CLIP4: variants seen among roughly 807,000 people sequenced by gnomAD.
The protein encoded by CLIP4 is CAP-Gly domain-containing linker protein 4.
In CLIP4, 47 loss-of-function variants were observed where a neutral mutation model predicts 73.1. That is an observed-to-expected ratio of 0.64 (90% CI 0.51 to 0.82). The LOEUF is 0.82. Among genes scored for constraint, CLIP4 ranks in the 40% least tolerant of loss-of-function variants. The pLI is 0.00. For synonymous variants in CLIP4, 306 were observed against 295.4 expected, an observed-to-expected ratio of 1.04 and a Z score of -0.37; for missense variants, 874 against 852.9, an observed-to-expected ratio of 1.02 and a Z score of -0.31.
chr2:29,147,457 CTT>C (rs1381481991), intron 8 of CLIP4, among the ~76,000 whole-genome samples: 5 of 152,024 alleles, frequency 3.3e-5, no homozygotes, highest in Non-Finnish European at 7.4e-5. Context: ...GGCTTAAAGA[CTT>C]TTATCAATTC....
At chr2:29,145,567 G>T (rs1025705807) in intron 8 of CLIP4, among the ~76,000 whole-genome samples, 200 bp downstream of exon 8, 2 of 152,150 alleles carry the variant, frequency 1.3e-5, no homozygotes, top group Non-Finnish European at 2.9e-5. Context: ...AGGGAGAAAT[G>T]GTGGTTGCAG....
At chr2:29,171,979 G>T (rs932485838) in intron 14 of CLIP4, among the ~76,000 whole-genome samples, 1 of 137,918 alleles carries the variant, frequency 7.3e-6, no homozygotes, top group African/African-American at 2.6e-5. Context: ...TTTATTTCTT[G>T]ACTTTATTCT....
chr2:29,111,666 T>G (rs1469344939), upstream of CLIP4, among the ~76,000 whole-genome samples: 1 of 152,270 alleles, frequency 6.6e-6, no homozygotes, highest in Non-Finnish European at 1.5e-5. Context: ...AAGTTCCTCA[T>G]GCATTTCAGA....
intron 8 of CLIP4, among the ~76,000 whole-genome samples, chr2:29,147,609 T>G (rs796130270): frequency 2.6e-4 from 40 of 152,290 alleles, no homozygotes; most frequent in African/African-American, 9.1e-4. Flanking sequence ...TACCTATTTA[T>G]GGGGTACAGA....
rs996200488 is a variant in CLIP4, at chr2:29,132,848, CAAAAT to C, written c.367+612_367+616del. ...ATAAAATAAAAATGAATTTATAATA[CAAAAT>C]AAAATAAAGCCATAAAATATAAGCC... On this transcript the variant is annotated intron_variant, in intron 4 of 15. Transcript: ENST00000320081. 5.3e-5 allele frequency among the ~76,000 whole-genome samples: 8 copies of C among 152,058 alleles called. No homozygotes were observed. The East Asian group carries it at 7.7e-4, about 15-fold the overall frequency.
At chr2:29,143,415 C>CT in intron 6 of CLIP4, among the ~76,000 whole-genome samples, 1 of 85,600 alleles carries the variant, frequency 1.2e-5, no homozygotes. Context: ...TTTTTTTTCC[C>CT]TCCAGGCCAC....
rs553291810 is a variant in CLIP4, at chr2:29,121,368, T to C, written c.-15-6T>C. ...AGAAACACTTTTTTTTTCTTTCTTA[T>C]TATAGGTGGCTTTCTAGAAGATGAC... On this transcript the variant is annotated splice_polypyrimidine_tract_variant and splice_region_variant and intron_variant, in intron 1 of 15. Coordinates refer to ENST00000320081, the MANE Select transcript of CLIP4 (RefSeq NM_024692.6). 3.8e-6 allele frequency: 6 copies of C among 1,591,476 alleles called. No homozygotes were observed. In the African/African-American group the frequency reaches 6.8e-5, roughly 18 times the overall value.
In CLIP4 at chr2:29,156,404, C is replaced by A; in HGVS notation, c.1216C>A (p.Pro406Thr). The change falls in exon 10 of 16, where the codon CCT (proline) becomes ACT (threonine). Residue 406 changes from proline to threonine, a missense_variant. Physicochemically the swap from Pro to Thr is conservative, Grantham distance 38 (BLOSUM62 -1). Coordinates refer to ENST00000320081, the MANE Select transcript of CLIP4 (RefSeq NM_024692.6). ...TGCTTCTGAGTCAACACTTTCATTG[C>A]CTCCTGGTGAAGAACTTAAAACTGT... ...DSASESTLSL[P>T]PGEELKTVTE... is the part of the protein sequence containing the mutation. The A allele has an allele frequency of 1.3e-6, 2 of 1,588,112 alleles. No homozygotes were observed. The highest frequency in any genetic ancestry group is 8.5e-7 in the Non-Finnish European group (1 of 1,173,400).
chr2:29,181,737 T>A lies in CLIP4; in HGVS notation c.1962T>A (p.Leu654=). The change falls in exon 16 of 16, where the codon CTT becomes CTA. Residue 654 remains leucine (L), a synonymous_variant. Transcript: ENST00000320081. ...CTGACTTTGCTTCAGGTATCTGGCT[T>A]GGACTTGAGCTCCGAAGCGCCAAGG... is the stretch of plus-strand genomic sequence containing the variant. The part of the protein sequence containing the change: ...GPTDFASGIW[L]GLELRSAKGK... The A allele has an allele frequency of 6.2e-7, 1 of 1,614,136 alleles. No individual in the cohort carries two copies. Among genetic ancestry groups the A allele is most frequent in the Non-Finnish European group, 8.5e-7 (1 of 1,180,020 alleles).
upstream of CLIP4, among the ~76,000 whole-genome samples, chr2:29,112,929 G>C (rs2148444063): frequency 6.6e-6 from 1 of 152,312 alleles, no homozygotes; most frequent in Non-Finnish European, 1.5e-5. Flanking sequence ...TCATGGTCGG[G>C]GTCCTGAGAG....
intron 11 of CLIP4, 160 bp downstream of exon 11, chr2:29,157,507 G>A: frequency 2.7e-6 from 3 of 1,101,126 alleles, no homozygotes; most frequent in Non-Finnish European, 2.6e-6. Context: ...AAGCCTTAAG[G>A]TCTCTTTGTT....
rs1361665875 is a variant in CLIP4 at position 29,152,771 on chromosome 2, C to G, written c.1108C>G (p.Pro370Ala). The G allele has an allele frequency of 6.2e-7, 1 of 1,613,798 alleles. No homozygotes were observed. Among genetic ancestry groups the G allele is most frequent in the Non-Finnish European group, 8.5e-7 (1 of 1,179,816 alleles). ...CACTCCTTCTACAAAAGCTGCTGTA[C>G]CTCTCATCAGGTCCCAGAAAATTGA... ...THTPSTKAAV[P>A]LIRSQKIDVA... The change falls in exon 9 of 16, where the codon CCT becomes GCT. Residue 370 changes from proline (P) to alanine (A), a missense_variant. Physicochemically the swap from Pro to Ala is conservative, Grantham distance 27. Coordinates refer to ENST00000320081, the MANE Select transcript of CLIP4 (RefSeq NM_024692.6).
upstream of CLIP4, chr2:29,113,979 G>A (rs1415759265): frequency 6.6e-6 from 1 of 152,198 alleles, no homozygotes; most frequent in Non-Finnish European, 1.5e-5. The surrounding 1 kb of genome is among the most constrained non-coding windows in gnomAD (Gnocchi z 4.0). Context: ...TCAGAGGGAG[G>A]AGGAAGTATC....
At chr2:29,115,220 G>C (rs561355611), upstream of CLIP4, 2 of 152,260 alleles carry the variant, frequency 1.3e-5, no homozygotes, top group Non-Finnish European at 2.9e-5. The surrounding 1 kb of genome is among the most constrained non-coding windows in gnomAD (Gnocchi z 5.1). Context: ...CCGCGAGGCT[G>C]AGGGCTGTGA....
chr2:29,121,673 G>A (rs929413478), intron 2 of CLIP4, 152 bp downstream of exon 2: 6 of 795,938 alleles, frequency 7.5e-6, no homozygotes, highest in Non-Finnish European at 9.9e-6. Flanking sequence ...ATTGCTTATT[G>A]CTTTTTCTGC....
rs1300840631 is a variant in CLIP4 at position 29,181,786 on chromosome 2, G to A, written c.2011G>A (p.Asp671Asn). 6.2e-7 allele frequency: 1 copy of A among 1,614,070 alleles called. No individual in the cohort carries two copies. The highest frequency in any genetic ancestry group is 8.5e-7 in the Non-Finnish European group (1 of 1,180,034). Reference protein sequence around the residue: ...AKGKNDGSVGDKRYFTCKPNH... With the variant: ...AKGKNDGSVGNKRYFTCKPNH... ...GGGAAAAAATGATGGGTCAGTGGGTGACAAGCGCTATTTCACCTGTAAGCC... is the reference window on the plus strand; with the variant it reads ...GGGAAAAAATGATGGGTCAGTGGGTAACAAGCGCTATTTCACCTGTAAGCC... The change falls in exon 16 of 16, where the codon GAC (aspartate) becomes AAC (asparagine). Residue 671 changes from aspartate (D) to asparagine (N), a missense_variant. Coordinates refer to ENST00000320081, the MANE Select transcript of CLIP4 (RefSeq NM_024692.6).
intron 6 of CLIP4, 148 bp downstream of exon 6, chr2:29,135,814 TG>T (rs1665312465): frequency 1.8e-6 from 1 of 541,848 alleles, no homozygotes; most frequent in Non-Finnish European, 3.2e-6. Context: ...AGAGTGATGA[TG>T]ATCTTTATTG....
chr2:29,150,396 G>A (rs562835031), intron 8 of CLIP4, among the ~76,000 whole-genome samples: 44 of 152,096 alleles, frequency 2.9e-4, no homozygotes, highest in Non-Finnish European at 5.7e-4. Context: ...TCTAGGTTTT[G>A]GCCCTTCAAC....
intron 15 of CLIP4, among the ~76,000 whole-genome samples, chr2:29,179,532 GT>G (rs1668531271): frequency 6.6e-6 from 1 of 152,144 alleles, no homozygotes; most frequent in South Asian, 2.1e-4. Flanking sequence ...ACATAGCTTA[GT>G]TTTTCTGAAC....
Sources: gnomAD v4.1 joint callset for allele counts (sites outside exome capture counted in the v4.1 genomes callset) on GRCh38, gnomAD v4.1.1 for gene constraint, Gnocchi (gnomAD v3.1) non-coding constraint, MANE v1.5 for transcripts, NCBI Gene and HGNC (gene_info 2026-07-23, HGNC 2026-07-21) for gene names.